The following CTNNA2 variants were observed in gnomAD, a reference collection of about 807,000 sequenced individuals.
CTNNA2 encodes catenin alpha 2.
Under a neutral mutation model 101.0 loss-of-function variants are expected in CTNNA2, and 42 were observed. The observed-to-expected ratio is 0.42, with a 90% CI of 0.32 to 0.54. The LOEUF is 0.54. CTNNA2 is among the 20% of genes least tolerant of loss of function. CTNNA2 has a pLI of 0.14. For synonymous variants in CTNNA2, 450 were observed against 456.4 expected (o/e 0.99, Z 0.18); for missense variants, 871 against 1,223.1 (o/e 0.71, Z 4.29).
chr2:79,901,398 A>C (rs1411567511), intron 6 of CTNNA2, among the ~76,000 whole-genome samples: 2 of 152,054 alleles, frequency 1.3e-5, no homozygotes, highest in Non-Finnish European at 2.9e-5. Context: ...TGAACTATGA[A>C]GGTAGTAAAA....
At chr2:79,305,329 TATATACATATATACATAC>T (rs1479418739) in intron 2 of CTNNA2, among the ~76,000 whole-genome samples, 2 of 147,366 alleles carry the variant, frequency 1.4e-5, no homozygotes. Context: ...TATATATACA[TATATACATATATACATAC>T]ATATACATAT....
At chr2:80,526,638 G>A (rs1402645457) in intron 9 of CTNNA2, among the ~76,000 whole-genome samples, 1 of 152,066 alleles carries the variant, frequency 6.6e-6, no homozygotes, top group Admixed American at 6.6e-5. Flanking sequence ...GGGCCTCTCT[G>A]TGCCTCAATT....
In CTNNA2 at chr2:80,608,334, G is replaced by A; in HGVS notation, c.2430+16G>A. Reference sequence around the variant, plus strand: ...TGTGTCAGGGGTAAGCTGGACTTGGGCTTCACAATGTAAAGTTCCCACCGT... The same window carrying A: ...TGTGTCAGGGGTAAGCTGGACTTGGACTTCACAATGTAAAGTTCCCACCGT... On this transcript the variant is annotated intron_variant, in intron 17 of 18. Transcript: ENST00000402739. The A allele has an allele frequency of 6.2e-7, 1 of 1,602,380 alleles. No individual in the cohort carries two copies. The highest frequency in any genetic ancestry group is 8.5e-7 in the Non-Finnish European group (1 of 1,171,620).
intron 3 of CTNNA2, among the ~76,000 whole-genome samples, chr2:79,820,461 A>C (rs1451936818): frequency 6.6e-6 from 1 of 152,208 alleles, no homozygotes; most frequent in Non-Finnish European, 1.5e-5. Context: ...TAGATTTCCA[A>C]GTTGGCTGAA....
At chr2:80,277,662 A>C (rs2587147) in intron 7 of CTNNA2, among the ~76,000 whole-genome samples, 72,654 of 151,708 alleles carry the variant, frequency 0.48, 17,976 homozygotes, top group Non-Finnish European at 0.53. Context: ...ACAAAATGAG[A>C]AAATGTGAGA....
At chr2:79,943,324 C>T (rs142465323) in intron 7 of CTNNA2, among the ~76,000 whole-genome samples, 1 of 152,056 alleles carries the variant, frequency 6.6e-6, no homozygotes, top group African/African-American at 2.4e-5. Flanking sequence ...AGAGGGGAAT[C>T]GGTTAAGAAT....
At chr2:80,190,063 A>G (rs908544130) in intron 7 of CTNNA2, among the ~76,000 whole-genome samples, 2 of 152,030 alleles carry the variant, frequency 1.3e-5, no homozygotes, top group Admixed American at 6.5e-5. Context: ...TAGAGATTCA[A>G]TGTGTGCACA....
chr2:79,531,427 C>T (rs1672737456), intron 1 of CTNNA2, among the ~76,000 whole-genome samples: 1 of 151,762 alleles, frequency 6.6e-6, no homozygotes, highest in African/African-American at 2.4e-5. Context: ...TGTTGCCAAA[C>T]TTCAGAAATA....
chr2:79,880,564 G>T (rs1055184944), intron 6 of CTNNA2, among the ~76,000 whole-genome samples: 1 of 152,080 alleles, frequency 6.6e-6, no homozygotes, highest in Non-Finnish European at 1.5e-5. Flanking sequence ...ATGTGTCCAG[G>T]AATTTATCCA....
intron 2 of CTNNA2, among the ~76,000 whole-genome samples, chr2:79,715,766 G>A (rs7580145): frequency 0.039 from 5,868 of 152,136 alleles, 303 homozygotes; most frequent in African/African-American, 0.12. Flanking sequence ...CCATTGGACC[G>A]TCAGGACCCA....
chr2:80,368,748 A>G (rs1675163769), intron 7 of CTNNA2, among the ~76,000 whole-genome samples: 2 of 151,420 alleles, frequency 1.3e-5, no homozygotes, highest in Admixed American at 6.6e-5. Context: ...CCTGTTTTCA[A>G]TGGCTGATAG....
At chr2:79,235,541 C>A (rs886473480) in intron 2 of CTNNA2, among the ~76,000 whole-genome samples, 1 of 152,108 alleles carries the variant, frequency 6.6e-6, no homozygotes, top group East Asian at 1.9e-4. Context: ...ACAGTGCTCC[C>A]CCAGGCAGAG....
At chr2:80,120,994 T>G (rs1180812744) in intron 7 of CTNNA2, among the ~76,000 whole-genome samples, 1 of 152,212 alleles carries the variant, frequency 6.6e-6, no homozygotes, top group Non-Finnish European at 1.5e-5. Flanking sequence ...ACATGGCTAA[T>G]GAAGGCATCT....
At chr2:79,891,211 G>A (rs960116879) in intron 6 of CTNNA2, among the ~76,000 whole-genome samples, 25 of 151,900 alleles carry the variant, frequency 1.6e-4, no homozygotes, top group African/African-American at 6.0e-4. Context: ...TTAACTACAG[G>A]GTTTCCTAAG....
At chr2:79,464,964 C>T (rs2104539460) in intron 4 of CTNNA2, among the ~76,000 whole-genome samples, 1 of 152,216 alleles carries the variant, frequency 6.6e-6, no homozygotes, top group Non-Finnish European at 1.5e-5. Context: ...GTTTCTTTTG[C>T]TGTGCAGAAG....
chr2:79,992,779 T>C (rs906496744), intron 7 of CTNNA2, among the ~76,000 whole-genome samples: 2 of 152,206 alleles, frequency 1.3e-5, no homozygotes, highest in Admixed American at 6.5e-5. Flanking sequence ...AACTTGTGAG[T>C]ATAGTAGGCA....
At chr2:79,330,413 G>A (rs1034475948) in intron 3 of CTNNA2, among the ~76,000 whole-genome samples, 1 of 152,162 alleles carries the variant, frequency 6.6e-6, no homozygotes, top group Non-Finnish European at 1.5e-5. Flanking sequence ...TGTCAGTCCT[G>A]AGTGAAACTC....
intron 4 of CTNNA2, among the ~76,000 whole-genome samples, chr2:79,489,924 A>G (rs370602005): frequency 7.2e-4 from 109 of 152,260 alleles, no homozygotes; most frequent in African/African-American, 2.6e-3. Context: ...TTGGCAGGGA[A>G]TACTCATGGC....
intron 2 of CTNNA2, among the ~76,000 whole-genome samples, chr2:79,225,276 C>T (rs1395333293): frequency 6.6e-6 from 1 of 152,084 alleles, no homozygotes; most frequent in East Asian, 1.9e-4. Context: ...TTCAGTTGCT[C>T]CATGTCCTTG....
Sources: gnomAD v4.1 joint callset for allele counts (sites outside exome capture counted in the v4.1 genomes callset) on GRCh38, gnomAD v4.1.1 for gene constraint, MANE v1.5 for transcripts, NCBI Gene and HGNC (gene_info 2026-07-23, HGNC 2026-07-21) for gene names.